NUP210L: variants seen among roughly 807,000 people sequenced by gnomAD.
NUP210L encodes the protein nuclear pore membrane glycoprotein 210-like.
NUP210L carries 74 observed loss-of-function variants against 208.5 expected under a neutral mutation model. The ratio of observed to expected loss-of-function variants is 0.35; its 90% CI spans 0.29 to 0.43. The LOEUF (loss-of-function observed/expected upper bound fraction) is 0.43, where lower values mean the gene tolerates loss of function less well. Ranked by LOEUF, NUP210L falls within the 20% of genes least tolerant of loss-of-function variation. The probability of loss-of-function intolerance (pLI) is 1.00; values close to 1 mark genes in which losing one functional copy is unlikely to be tolerated. For missense variants in NUP210L, 1,843 were observed against 2,289.4 expected (o/e 0.81, Z 3.98); for synonymous variants, 780 against 816.9 (o/e 0.95, Z 0.77).
At chr1:154,134,833 G>T (rs1188243732) in intron 7 of NUP210L, among the ~76,000 whole-genome samples, 1 of 151,170 alleles carries the variant, frequency 6.6e-6, no homozygotes, top group Non-Finnish European at 1.5e-5. Flanking sequence ...CTTCCCGGGG[G>T]TTCAAGCGAT....
intron 21 of NUP210L, 28 bp from the exon 22 acceptor site, chr1:154,058,244 G>C (rs1160083545): frequency 6.2e-7 from 1 of 1,611,484 alleles, no homozygotes; most frequent in Non-Finnish European, 8.5e-7. Context: ...AAAGATTTTA[G>C]CAAAGGTGTC....
chr1:154,103,448 G>A lies in NUP210L; in HGVS notation c.1819+564C>T, dbSNP rs558771317. Among the ~76,000 whole-genome samples, 289 of 150,216 alleles carry A rather than the reference G, an allele frequency of 1.9e-3. 1 individual carries two copies. The highest frequency in any genetic ancestry group is 6.7e-3 in the African/African-American group (272 of 40,886). ...AGCACTTTGGGAGGCCGAGGCGGGC[G>A]GATCACGAGCTCAGGAGATCGAGAC... On this transcript the variant is annotated intron_variant, in intron 13 of 39. Transcript: ENST00000368559.
chr1:154,136,517 A>T (rs900891034), intron 6 of NUP210L, among the ~76,000 whole-genome samples: 3 of 151,796 alleles, frequency 2.0e-5, no homozygotes, highest in Non-Finnish European at 2.9e-5. Flanking sequence ...GAAAGAAAGA[A>T]TTGGTTTTGC....
intron 25 of NUP210L, among the ~76,000 whole-genome samples, chr1:154,051,050 G>T (rs555788082): frequency 6.6e-6 from 1 of 152,288 alleles, no homozygotes; most frequent in Non-Finnish European, 1.5e-5. Context: ...ATGAGCAACT[G>T]ATGACTTTAT....
intron 25 of NUP210L, among the ~76,000 whole-genome samples, chr1:154,046,951 G>A (rs1259890337): frequency 6.6e-6 from 1 of 152,144 alleles, no homozygotes; most frequent in African/African-American, 2.4e-5. Flanking sequence ...TTAGCTACTT[G>A]GGAGGCTGAG....
intron 6 of NUP210L, among the ~76,000 whole-genome samples, chr1:154,136,919 C>CAAAAAAAAA (rs11374907): frequency 4.8e-5 from 3 of 62,974 alleles, no homozygotes; most frequent in African/African-American, 6.7e-5. Flanking sequence ...GAATCCATCT[C>CAAAAAAAAA]AAAAAAAAAA....
At chr1:154,017,000 G>A (rs1490997954) in intron 33 of NUP210L, among the ~76,000 whole-genome samples, 2 of 151,826 alleles carry the variant, frequency 1.3e-5, no homozygotes, top group African/African-American at 4.8e-5. Flanking sequence ...AAAAAAGCCT[G>A]GGCGCAGTGG....
intron 28 of NUP210L, among the ~76,000 whole-genome samples, chr1:154,028,794 G>A (rs1652049053): frequency 6.6e-6 from 1 of 151,564 alleles, no homozygotes; most frequent in African/African-American, 2.4e-5. Flanking sequence ...AGTTTCTAAT[G>A]TTAATAGTAT....
At chr1:154,063,058 A>G (rs556741470) in intron 17 of NUP210L, among the ~76,000 whole-genome samples, 2 of 152,320 alleles carry the variant, frequency 1.3e-5, no homozygotes, top group South Asian at 2.1e-4. Context: ...TTAGGTAATT[A>G]GAATACAGAA....
chr1:154,061,617 A>T (rs1418557213), exon 18 of NUP210L: 1 of 1,608,136 alleles, frequency 6.2e-7, no homozygotes, highest in East Asian at 2.2e-5. Flanking sequence ...ATAGCCCACA[A>T]AATTGACTCC....
In NUP210L at chr1:154,024,555, G is replaced by A. The variant is rs1651748599; in HGVS notation, c.4122+987C>T. Among the ~76,000 whole-genome samples the A allele has an allele frequency of 2.0e-5, 3 of 151,928 alleles. No individual in the cohort carries two copies. The South Asian group carries it at 6.2e-4, about 31-fold the overall frequency. Reference sequence around the variant, plus strand: ...ATTTTTTAAAAAGAAACAGATTGTTGCTTTGTTTTCCAGGCTGCAGTGCAG... The same window carrying A: ...ATTTTTTAAAAAGAAACAGATTGTTACTTTGTTTTCCAGGCTGCAGTGCAG... On this transcript the variant is annotated intron_variant, in intron 30 of 39. Transcript: ENST00000368559.
At chr1:154,121,557 A>C (rs889154640) in intron 10 of NUP210L, among the ~76,000 whole-genome samples, 1 of 152,214 alleles carries the variant, frequency 6.6e-6, no homozygotes, top group Non-Finnish European at 1.5e-5. Context: ...ATCCATCATA[A>C]AGTTCTTCCA....
intron 33 of NUP210L, among the ~76,000 whole-genome samples, chr1:154,016,877 G>T (rs866164916): frequency 6.6e-6 from 1 of 151,996 alleles, no homozygotes; most frequent in African/African-American, 2.4e-5. Context: ...GCAGTGGGAG[G>T]ATAGCTTGAG....
chr1:154,055,123 T>TTTTCTTTCTCTTTCTTTCTTTTCTCTTTC (rs1653750611), intron 23 of NUP210L, among the ~76,000 whole-genome samples: 10 of 117,140 alleles, frequency 8.5e-5, no homozygotes, highest in South Asian at 6.2e-4. Context: ...TCTTTCTTTC[T>TTTTCTTTCTCTTTCTTTCTTTTCTCTTTC]TTTCTTTCTT....
intron 7 of NUP210L, among the ~76,000 whole-genome samples, chr1:154,134,081 C>T (rs747562127): frequency 6.8e-6 from 1 of 147,800 alleles, no homozygotes; most frequent in African/African-American, 2.5e-5. Flanking sequence ...ACCTGGGAGG[C>T]GGAGGTGGGA....
At chr1:154,065,892 CAAAAAAAAAAAA>C (rs58053478) in intron 17 of NUP210L, among the ~76,000 whole-genome samples, 1 of 61,120 alleles carries the variant, frequency 1.6e-5, no homozygotes, top group Non-Finnish European at 2.9e-5. Flanking sequence ...GACTCTGTCT[CAAAAAAAAAAAA>C]AAAAAAAAAA....
At chr1:154,004,963 C>T (rs1307757599) in intron 35 of NUP210L, among the ~76,000 whole-genome samples, 1 of 147,136 alleles carries the variant, frequency 6.8e-6, no homozygotes, top group Non-Finnish European at 1.5e-5. Context: ...AAGCAGTTCT[C>T]CTGCCTCAGC....
intron 33 of NUP210L, among the ~76,000 whole-genome samples, chr1:154,012,726 CCG>C (rs1000884670): frequency 6.6e-6 from 1 of 151,268 alleles, no homozygotes; most frequent in Non-Finnish European, 1.5e-5. Context: ...ACGGGGTCAG[CCG>C]CGCGCGGTGG....
intron 25 of NUP210L, 35 bp downstream of exon 25, chr1:154,054,192 GA>G (rs779725284): frequency 6.2e-7 from 1 of 1,607,734 alleles, no homozygotes; most frequent in Non-Finnish European, 8.5e-7. Context: ...TTCCTCAATA[GA>G]AGAATAGAAG....
Sources: allele counts gnomAD v4.1 joint callset (sites outside exome capture counted in the v4.1 genomes callset), GRCh38; gene constraint gnomAD v4.1.1; transcripts MANE v1.5; gene names NCBI Gene and HGNC (gene_info 2026-07-23, HGNC 2026-07-21).